The following ATP6V1E1 variants were observed in gnomAD, a reference collection of about 807,000 sequenced individuals.
The protein encoded by ATP6V1E1 is V-type proton ATPase subunit E 1.
In ATP6V1E1, 21 loss-of-function variants were observed where a neutral mutation model predicts 35.2. The observed-to-expected ratio is 0.60, with a 90% CI of 0.42 to 0.86. The LOEUF is 0.86. Among genes scored for constraint, ATP6V1E1 ranks in the 40% least tolerant of loss-of-function variants. The probability of loss-of-function intolerance (pLI) is 0.00; values close to 1 mark genes in which losing one functional copy is unlikely to be tolerated. For synonymous variants in ATP6V1E1, 83 were observed against 87.8 expected (o/e 0.95, Z 0.30); for missense variants, 183 against 272.6 (o/e 0.67, Z 2.32).
At chr22:17,602,612 T>G (rs1215412586) in intron 4 of ATP6V1E1, among the ~76,000 whole-genome samples, 4 of 151,694 alleles carry the variant, frequency 2.6e-5, no homozygotes, top group Non-Finnish European at 5.9e-5. Flanking sequence ...CCTAACCTCG[T>G]GATCCGCCTG....
At chr22:17,616,888 A>T (rs2057848614) in intron 2 of ATP6V1E1, among the ~76,000 whole-genome samples, 1 of 115,302 alleles carries the variant, frequency 8.7e-6, no homozygotes, top group South Asian at 2.5e-4. Flanking sequence ...CTCTACTAAA[A>T]ATACAAAAAA....
intron 6 of ATP6V1E1, among the ~76,000 whole-genome samples, chr22:17,599,242 T>C (rs531444493): frequency 1.7e-4 from 26 of 151,340 alleles, no homozygotes; most frequent in Non-Finnish European, 3.5e-4. Flanking sequence ...AATGGCACAA[T>C]GTATGGTTAA....
intron 2 of ATP6V1E1, 135 bp downstream of exon 2, chr22:17,619,326 A>C: frequency 1.3e-6 from 1 of 780,256 alleles, no homozygotes; most frequent in South Asian, 1.6e-5. Flanking sequence ...GAAGGAGGGG[A>C]AGGAGGGAAG....
Position 17,598,278 on chromosome 22 carries a change from T to C in ATP6V1E1, c.446A>G (p.Gln149Arg). 1 of 1,613,510 alleles carries C rather than the reference T, an allele frequency of 6.2e-7. No individual in the cohort carries two copies. Among genetic ancestry groups the C allele is most frequent in the Non-Finnish European group, 8.5e-7 (1 of 1,179,426 alleles). ...AATTTTGTACATAGGAATTGCCTTC[T>C]GCACTGCAGCCTGGAAGTATAGAAC... ...QDFPLVKAAV[Q>R]KAIPMYKIAT... The change falls in exon 7 of 9, where the codon CAG (glutamine) becomes CGG (arginine). Residue 149 changes from glutamine (Q) to arginine (R), a missense_variant. Physicochemically the swap from Gln to Arg is conservative, Grantham distance 43. Coordinates refer to ENST00000253413, the MANE Select transcript of ATP6V1E1 (RefSeq NM_001696.4).
intron 1 of ATP6V1E1, among the ~76,000 whole-genome samples, chr22:17,623,420 C>A (rs2057887961): frequency 1.3e-5 from 2 of 152,162 alleles, no homozygotes. Context: ...CGCCTGTAAT[C>A]CCAGCACTTT....
At chr22:17,597,951 A>T (rs2057740800) in intron 7 of ATP6V1E1, 1 of 467,714 alleles carries the variant, frequency 2.1e-6, no homozygotes, top group African/African-American at 2.0e-5. Flanking sequence ...TGTTGGGATT[A>T]CAGGCGTGAG....
chr22:17,616,754 G>C (rs1261576054), intron 2 of ATP6V1E1, among the ~76,000 whole-genome samples: 3 of 141,488 alleles, frequency 2.1e-5, no homozygotes, highest in Admixed American at 1.4e-4. Context: ...GATCCAGAAA[G>C]AGTCATACAA....
intron 1 of ATP6V1E1, among the ~76,000 whole-genome samples, chr22:17,626,568 GCT>G (rs972729617): frequency 1.4e-5 from 2 of 147,138 alleles, no homozygotes; most frequent in African/African-American, 5.0e-5. Context: ...AGACAGTCTC[GCT>G]CTGTTGCCCA....
intron 6 of ATP6V1E1, 145 bp from the exon 7 acceptor site, chr22:17,598,433 C>T (rs148264574): frequency 6.0e-5 from 39 of 645,084 alleles, no homozygotes; most frequent in Non-Finnish European, 9.2e-5. Flanking sequence ...TAAAACGGCA[C>T]GGCCACTGAG....
At chr22:17,609,588 C>T (rs1221339399) in intron 4 of ATP6V1E1, among the ~76,000 whole-genome samples, 1 of 151,260 alleles carries the variant, frequency 6.6e-6, no homozygotes, top group African/African-American at 2.4e-5. Context: ...CCTGCCTCAG[C>T]CTCCCGAGTA....
chr22:17,605,212 AAAAAAAAAAAAG>A (rs1462359677), intron 4 of ATP6V1E1, among the ~76,000 whole-genome samples: 1 of 147,198 alleles, frequency 6.8e-6, no homozygotes, highest in Non-Finnish European at 1.5e-5. Context: ...TCTCAAAAAA[AAAAAAAAAAAAG>A]AAAAGAAAAG....
In ATP6V1E1 at chr22:17,616,679, C is replaced by CAAA. The variant is rs374090230; in HGVS notation, c.99+2779_99+2781dup. Reference sequence around the variant, plus strand: ...GGGCAACAAGAATGAAACTCCGGCTCAAAAAAAAAAAAAAAAAAGAAATGC... The same window carrying CAAA: ...GGGCAACAAGAATGAAACTCCGGCTCAAAAAAAAAAAAAAAAAAAAAGAAATGC... On this transcript the variant is annotated intron_variant, in intron 2 of 8. Coordinates refer to ENST00000253413, the MANE Select transcript of ATP6V1E1 (RefSeq NM_001696.4). 3.4e-3 allele frequency among the ~76,000 whole-genome samples: 181 copies of CAAA among 52,616 alleles called. 3 individuals are homozygous for CAAA. The highest frequency in any genetic ancestry group is 0.012 in the African/African-American group (158 of 13,364). The allele number at this position is 52,616 out of a possible 152,430, so 34.5% of individuals were successfully genotyped here. A position where few individuals can be genotyped will look rare whatever the true frequency, so the allele number is the denominator to read the frequency against.
At chr22:17,623,715 G>A (rs1237466999) in intron 1 of ATP6V1E1, among the ~76,000 whole-genome samples, 1 of 151,848 alleles carries the variant, frequency 6.6e-6, no homozygotes, top group South Asian at 2.1e-4. Flanking sequence ...GTTTATAAAT[G>A]CTACAAGTTT....
Position 17,598,248 on chromosome 22 carries a change from G to A in ATP6V1E1, c.476C>T (p.Thr159Ile), listed in dbSNP as rs762959786. ...QKAIPMYKIATKNDVDVQIDQ... is the reference protein window; with the variant it reads ...QKAIPMYKIAIKNDVDVQIDQ... ...AATTTGGACATCAACATCGTTTTTGGTGGCAATTTTGTACATAGGAATTGC... is the reference window on the plus strand; with the variant it reads ...AATTTGGACATCAACATCGTTTTTGATGGCAATTTTGTACATAGGAATTGC... Residue 159 changes from threonine to isoleucine, a missense_variant, in exon 7 of 9, where the codon ACC becomes ATC. Physicochemically the swap from Thr to Ile is moderately conservative, Grantham distance 89. Coordinates refer to ENST00000253413, the MANE Select transcript of ATP6V1E1 (RefSeq NM_001696.4). 6.2e-7 allele frequency: 1 copy of A among 1,613,948 alleles called. No homozygotes were observed. The highest frequency in any genetic ancestry group is 8.5e-7 in the Non-Finnish European group (1 of 1,179,980).
intron 4 of ATP6V1E1, among the ~76,000 whole-genome samples, chr22:17,605,693 C>CTTTTTTTTT (rs3044548): frequency 6.7e-5 from 7 of 104,000 alleles, no homozygotes; most frequent in African/African-American, 1.5e-4. Flanking sequence ...AGATGTTTCT[C>CTTTTTTTTT]TTTTTTTTTT....
At position 17,599,504 on chromosome 22, in the gene ATP6V1E1, G is replaced by T. The variant is rs953753891; in HGVS notation, c.435+523C>A. Among the ~76,000 whole-genome samples, 5 of 145,708 alleles carry T rather than the reference G, an allele frequency of 3.4e-5. No homozygotes were observed. The South Asian group carries it at 6.5e-4, about 19-fold the overall frequency. On this transcript the variant is annotated intron_variant, in intron 6 of 8. Transcript: ENST00000253413. Reference sequence around the variant, plus strand: ...GGCAGGAGAATTGCTTGAACCCGGGGGGGCAGAGGTTGCAGTGAGCCGAGA... The same window carrying T: ...GGCAGGAGAATTGCTTGAACCCGGGTGGGCAGAGGTTGCAGTGAGCCGAGA...
intron 2 of ATP6V1E1, among the ~76,000 whole-genome samples, chr22:17,618,289 C>G (rs918880319): frequency 6.6e-6 from 1 of 152,116 alleles, no homozygotes; most frequent in Non-Finnish European, 1.5e-5. Context: ...TTTCAGGACA[C>G]TTATTGGCAT....
chr22:17,597,902 C>G (rs2057740495), intron 7 of ATP6V1E1: 1 of 368,114 alleles, frequency 2.7e-6, no homozygotes, highest in South Asian at 3.1e-5. Flanking sequence ...TGGTCTCGAT[C>G]TCTTGACCTT....
chr22:17,592,811 T>TC, intron 8 of ATP6V1E1, 75 bp from the exon 9 acceptor site: 1 of 1,399,194 alleles, frequency 7.1e-7, no homozygotes, highest in African/African-American at 1.5e-5. Flanking sequence ...TTTTTTTTTT[T>TC]TTTTTTTTTG....
Sources: allele counts gnomAD v4.1 joint callset (sites outside exome capture counted in the v4.1 genomes callset), GRCh38; gene constraint gnomAD v4.1.1; transcripts MANE v1.5; gene names NCBI Gene and HGNC (gene_info 2026-07-23, HGNC 2026-07-21).